Variants in TMEM248 observed in about 807,000 individuals in gnomAD.
TMEM248 encodes the protein UPF0458 protein C7orf42.
A neutral mutation model predicts 30.3 loss-of-function variants in TMEM248; 9 were observed. That is an observed-to-expected ratio of 0.30 (90% CI 0.18 to 0.52). The LOEUF (loss-of-function observed/expected upper bound fraction) is 0.52. TMEM248 is among the 20% of genes least tolerant of loss of function. The pLI, the probability that TMEM248 is intolerant of heterozygous loss-of-function variation, is 0.97. For synonymous variants in TMEM248, 184 were observed against 154.4 expected (o/e 1.19, Z -1.42); for missense variants, 338 against 403.3 (o/e 0.84, Z 1.39).
chr7:66,955,054 C>T (rs62466580), intron 6 of TMEM248, among the ~76,000 whole-genome samples: 11 of 152,102 alleles, frequency 7.2e-5, no homozygotes, highest in Non-Finnish European at 1.3e-4. Context: ...CTTGAGCCCA[C>T]GAGTTCAAGA....
chr7:66,941,973 C>A lies in TMEM248; in HGVS notation c.108C>A (p.Thr36=). The A allele has an allele frequency of 6.2e-7, 1 of 1,614,102 alleles. No homozygotes were observed. The highest frequency in any genetic ancestry group is 8.5e-7 in the Non-Finnish European group (1 of 1,180,016). The change falls in exon 2 of 7, where the codon ACC becomes ACA. Residue 36 remains threonine, a synonymous_variant. Transcript: ENST00000341567. ...SVSAMAIAFL[T]LGYFFKIKEI... ...GCGCCATGGCCATAGCTTTCCTGAC[C>A]CTGGGCTACTTCTTCAAAATCAAGG...
At chr7:66,950,272 G>T (rs1448288148) in intron 4 of TMEM248, among the ~76,000 whole-genome samples, 1 of 151,856 alleles carries the variant, frequency 6.6e-6, no homozygotes, top group Non-Finnish European at 1.5e-5. Flanking sequence ...ATCTCGTTTT[G>T]AATTGTAGTT....
At chr7:66,933,959 CTT>C (rs1242280884) in intron 1 of TMEM248, among the ~76,000 whole-genome samples, 1 of 150,170 alleles carries the variant, frequency 6.7e-6, no homozygotes, top group Non-Finnish European at 1.5e-5. Flanking sequence ...TCTTTTATCT[CTT>C]TTTCTTTTTT....
chr7:66,947,786 C>T (rs909516292), intron 3 of TMEM248, among the ~76,000 whole-genome samples: 4 of 151,090 alleles, frequency 2.6e-5, no homozygotes, highest in African/African-American at 9.7e-5. Context: ...AATTTTGAGA[C>T]TGGGTCTTGA....
rs113237093 is a variant in TMEM248 at position 66,934,421 on chromosome 7, G to C, written c.-18-7427G>C. ...TCATCATGTCAGTCAGGCAGATCTC[G>C]AACGCCTGACCTCAGGTGATCCACC... On this transcript the variant is annotated intron_variant, in intron 1 of 6. Transcript: ENST00000341567. Among the ~76,000 whole-genome samples the C allele has an allele frequency of 1.3e-3, 193 of 152,192 alleles. 1 individual carries two copies. The highest frequency in any genetic ancestry group is 4.5e-3 in the African/African-American group (186 of 41,524).
intron 6 of TMEM248, among the ~76,000 whole-genome samples, chr7:66,954,725 C>A (rs1338012030): frequency 1.3e-5 from 2 of 152,116 alleles, no homozygotes; most frequent in African/African-American, 4.8e-5. Flanking sequence ...TTGGTTGAAT[C>A]TGTGGATATG....
Position 66,926,905 on chromosome 7 carries a change from C to T in TMEM248, c.-19+5444C>T, listed in dbSNP as rs1028455245. On this transcript the variant is annotated intron_variant, in intron 1 of 6. Transcript: ENST00000341567. ...CATGACACAGCCTTCGAAACACTGC[C>T]GTTTGGACTTTTGTGTTGTTTGGTT... Among the ~76,000 whole-genome samples the T allele has an allele frequency of 9.9e-5, 15 of 152,166 alleles. 1 individual carries two copies. The highest frequency in any genetic ancestry group is 1.9e-4 in the East Asian group (1 of 5,178).
chr7:66,931,970 A>T (rs528007638), intron 1 of TMEM248, among the ~76,000 whole-genome samples: 160 of 150,952 alleles, frequency 1.1e-3, no homozygotes, highest in African/African-American at 3.6e-3. Flanking sequence ...ACACCTGGCT[A>T]ATTTTTTGTA....
intron 1 of TMEM248, among the ~76,000 whole-genome samples, chr7:66,940,142 C>T (rs1457771709): frequency 1.3e-5 from 2 of 151,968 alleles, no homozygotes; most frequent in South Asian, 2.1e-4. Context: ...GTAGTAGAGG[C>T]GGGGTTTTGC....
At position 66,955,836 on chromosome 7, in the gene TMEM248, C is replaced by T. The variant is rs187605240; in HGVS notation, c.*314C>T. On this transcript the variant is annotated 3_prime_UTR_variant, in exon 7 of 7. Coordinates refer to ENST00000341567, the MANE Select transcript of TMEM248 (RefSeq NM_017994.5). Reference sequence around the variant, plus strand: ...GATTCCTGGATCTAGCTGGTCACGACGATGTTTTCACCAAGGTCACAGGAG... The same window carrying T: ...GATTCCTGGATCTAGCTGGTCACGATGATGTTTTCACCAAGGTCACAGGAG... 2.9e-5 allele frequency: 10 copies of T among 344,034 alleles called. No individual in the cohort carries two copies. Among genetic ancestry groups the T allele is most frequent in the Admixed American group, 2.8e-4 (6 of 21,424 alleles). 21.3% of individuals were successfully genotyped at this position (344,034 alleles called of 1,614,324 possible).
intron 1 of TMEM248, among the ~76,000 whole-genome samples, chr7:66,936,593 C>T (rs1483297887): frequency 7.0e-6 from 1 of 143,408 alleles, no homozygotes; most frequent in Non-Finnish European, 1.6e-5. Context: ...GGTACTCCCT[C>T]TTCTTCTGCT....
intron 1 of TMEM248, among the ~76,000 whole-genome samples, chr7:66,936,516 C>T (rs1217055305): frequency 2.0e-5 from 3 of 147,888 alleles, no homozygotes; most frequent in Non-Finnish European, 3.0e-5. Context: ...TGTAGTTTTC[C>T]TTTTTTTTTT....
At chr7:66,923,208 C>T (rs553954520) in intron 1 of TMEM248, among the ~76,000 whole-genome samples, 3 of 151,558 alleles carry the variant, frequency 2.0e-5, no homozygotes, top group Admixed American at 6.6e-5. Context: ...TGCAGTGGCG[C>T]GAAGTTAGCT....
chr7:66,929,509 T>C (rs1791613793), intron 1 of TMEM248, among the ~76,000 whole-genome samples: 2 of 147,410 alleles, frequency 1.4e-5, no homozygotes, highest in Non-Finnish European at 3.0e-5. Flanking sequence ...TGATTTTGGC[T>C]CACTGCAACC....
At chr7:66,947,214 C>CAAAAAAAA (rs565294304) in intron 3 of TMEM248, among the ~76,000 whole-genome samples, 1 of 58,774 alleles carries the variant, frequency 1.7e-5, no homozygotes, top group Non-Finnish European at 3.2e-5. Flanking sequence ...GACCCTGTCT[C>CAAAAAAAA]AAAAAAAAAA....
In TMEM248 at chr7:66,941,975, T is replaced by C. The variant is rs1399127738; in HGVS notation, c.110T>C (p.Leu37Pro). 1 of 1,614,068 alleles carries C rather than the reference T, an allele frequency of 6.2e-7. No individual in the cohort carries two copies. The highest frequency in any genetic ancestry group is 8.5e-7 in the Non-Finnish European group (1 of 1,180,042). The change falls in exon 2 of 7, where the codon CTG becomes CCG. Residue 37 changes from leucine to proline, a missense_variant. Physicochemically the swap from Leu to Pro is moderately conservative, Grantham distance 98 (BLOSUM62 -3). Coordinates refer to ENST00000341567, the MANE Select transcript of TMEM248 (RefSeq NM_017994.5). Reference protein sequence around the residue: ...VSAMAIAFLTLGYFFKIKEIK... With the variant: ...VSAMAIAFLTPGYFFKIKEIK... ...GCCATGGCCATAGCTTTCCTGACCC[T>C]GGGCTACTTCTTCAAAATCAAGGAG... is the stretch of plus-strand genomic sequence containing the variant.
chr7:66,939,080 C>G (rs893382127), intron 1 of TMEM248, among the ~76,000 whole-genome samples: 2 of 152,182 alleles, frequency 1.3e-5, no homozygotes, highest in African/African-American at 4.8e-5. Context: ...ATAGAGATAT[C>G]ATTTCACATC....
chr7:66,955,250 G>A (rs546819489), intron 6 of TMEM248, among the ~76,000 whole-genome samples: 2 of 152,190 alleles, frequency 1.3e-5, no homozygotes, highest in African/African-American at 2.4e-5. Context: ...ACAACAGAGC[G>A]AGACCGTGTC....
At chr7:66,924,958 C>T (rs1260349309) in intron 1 of TMEM248, among the ~76,000 whole-genome samples, 1 of 150,420 alleles carries the variant, frequency 6.6e-6, no homozygotes, top group African/African-American at 2.5e-5. Context: ...ATCCGCCCGC[C>T]TTGGCCTCTC....
Sources: gnomAD v4.1 joint callset for allele counts (sites outside exome capture counted in the v4.1 genomes callset) on GRCh38, gnomAD v4.1.1 for gene constraint, MANE v1.5 for transcripts, NCBI Gene and HGNC (gene_info 2026-07-23, HGNC 2026-07-21) for gene names.